NALF1: variants seen among roughly 807,000 people sequenced by gnomAD.
The protein encoded by NALF1 is NALCN channel auxiliary factor 1.
Under a neutral mutation model 48.4 loss-of-function variants are expected in NALF1, and 3 were observed. The ratio of observed to expected loss-of-function variants is 0.06; its 90% CI spans 0.03 to 0.16. NALF1 has a LOEUF of 0.16. Ranked by LOEUF, NALF1 falls within the 10% of genes least tolerant of loss-of-function variation. The pLI is 1.00. For missense variants in NALF1, 526 were observed against 571.5 expected, an observed-to-expected ratio of 0.92 and a Z score of 0.81; for synonymous variants, 262 against 245.7, an observed-to-expected ratio of 1.07 and a Z score of -0.62.
intron 1 of NALF1, among the ~76,000 whole-genome samples, chr13:107,619,342 A>G (rs1879464850): frequency 6.6e-6 from 1 of 152,204 alleles, no homozygotes; most frequent in African/African-American, 2.4e-5. Flanking sequence ...AGGATGGAAG[A>G]GCACTGACCT....
chr13:107,405,100 T>C (rs1287036435), intron 1 of NALF1, among the ~76,000 whole-genome samples: 2 of 152,084 alleles, frequency 1.3e-5, no homozygotes, highest in African/African-American at 4.8e-5. Flanking sequence ...ATTGATTCCA[T>C]TTGTTTATAT....
At chr13:107,537,482 A>G (rs1219195182) in intron 1 of NALF1, among the ~76,000 whole-genome samples, 1 of 152,144 alleles carries the variant, frequency 6.6e-6, no homozygotes, top group African/African-American at 2.4e-5. Flanking sequence ...TAACAAAGTA[A>G]TTTGTTTTTC....
At chr13:107,862,836 G>A (rs2138651518) in intron 1 of NALF1, among the ~76,000 whole-genome samples, 1 of 151,776 alleles carries the variant, frequency 6.6e-6, no homozygotes, top group African/African-American at 2.4e-5. Context: ...TAGCAGTTTT[G>A]AATGAGGGCA....
At position 107,166,450 on chromosome 13, in the gene NALF1, T is replaced by G. The variant is rs1878661264; in HGVS notation, c.*4047A>C. 1 of 152,084 alleles carries G rather than the reference T, an allele frequency of 6.6e-6. No individual in the cohort carries two copies. Among genetic ancestry groups the G allele is most frequent in the South Asian group, 2.1e-4 (1 of 4,820 alleles). The allele number at this position is 152,084 out of a possible 1,614,324, so 9.4% of individuals were successfully genotyped here. ...ACAAACAAACACACAGAAAAGAAAT[T>G]AAATACCTGACTGCAGTTCTAAATA... is the stretch of plus-strand genomic sequence containing the variant. On this transcript the variant is annotated 3_prime_UTR_variant, in exon 3 of 3. Transcript: ENST00000375915.
chr13:107,637,632 G>A (rs113535757), intron 1 of NALF1, among the ~76,000 whole-genome samples: 2 of 152,128 alleles, frequency 1.3e-5, no homozygotes, highest in African/African-American at 4.8e-5. Context: ...AGTGTGTCCA[G>A]TGCAGCCTGT....
chr13:107,472,783 C>A (rs980527549), intron 1 of NALF1, among the ~76,000 whole-genome samples: 1 of 152,122 alleles, frequency 6.6e-6, no homozygotes, highest in Non-Finnish European at 1.5e-5. Context: ...CTGGGACTGG[C>A]TTCCTGGCTC....
At chr13:107,333,090 C>T (rs1428444442) in intron 1 of NALF1, among the ~76,000 whole-genome samples, 2 of 152,134 alleles carry the variant, frequency 1.3e-5, no homozygotes, top group African/African-American at 4.8e-5. Flanking sequence ...AAGTGATCTG[C>T]CCGCCTCGGC....
At chr13:107,184,115 G>A (rs1879124173) in intron 2 of NALF1, among the ~76,000 whole-genome samples, 1 of 151,322 alleles carries the variant, frequency 6.6e-6, no homozygotes, top group South Asian at 2.1e-4. Context: ...AACCACCATG[G>A]CACGTATATA....
At chr13:107,848,958 A>G (rs1259621688) in intron 1 of NALF1, among the ~76,000 whole-genome samples, 1 of 152,192 alleles carries the variant, frequency 6.6e-6, no homozygotes, top group Non-Finnish European at 1.5e-5. Context: ...CCTCTCACAT[A>G]ATGGAGAATC....
chr13:107,851,826 T>TTTTTTTTTTTTTA (rs1880326706), intron 1 of NALF1, among the ~76,000 whole-genome samples: 1 of 146,828 alleles, frequency 6.8e-6, no homozygotes, highest in African/African-American at 2.5e-5. Flanking sequence ...TTTTTTTTTT[T>TTTTTTTTTTTTTA]GAGACAAATT....
chr13:107,542,907 T>G (rs1877035046), intron 1 of NALF1, among the ~76,000 whole-genome samples: 1 of 152,110 alleles, frequency 6.6e-6, no homozygotes, highest in African/African-American at 2.4e-5. Flanking sequence ...CAAAATAGTT[T>G]ATATTTCTTG....
chr13:107,805,266 G>A lies in NALF1; in HGVS notation c.915+60416C>T, dbSNP rs372440431. Among the ~76,000 whole-genome samples the A allele has an allele frequency of 9.5e-4, 145 of 152,120 alleles. 1 individual carries two copies. In the South Asian group the frequency reaches 0.011, roughly 12 times the overall value. ...CACTATTTTTTAAAGATTTCTCAGC[G>A]CTTACTCTTACAGATGATATGCAGT... is the stretch of plus-strand genomic sequence containing the variant. On this transcript the variant is annotated intron_variant, in intron 1 of 2. Coordinates refer to ENST00000375915, the MANE Select transcript of NALF1 (RefSeq NM_001080396.3).
intron 1 of NALF1, among the ~76,000 whole-genome samples, chr13:107,380,638 A>G (rs1421567260): frequency 1.3e-5 from 2 of 152,146 alleles, no homozygotes; most frequent in African/African-American, 2.4e-5. Context: ...TCTATTTTGA[A>G]GGAAAAGATA....
At chr13:107,790,995 G>A (rs1236785776) in intron 1 of NALF1, among the ~76,000 whole-genome samples, 4 of 152,038 alleles carry the variant, frequency 2.6e-5, no homozygotes, top group Non-Finnish European at 5.9e-5. Context: ...GAAGGAGATG[G>A]TGAAAACTAC....
At chr13:107,653,467 T>C (rs1343841874) in intron 1 of NALF1, among the ~76,000 whole-genome samples, 1 of 122,648 alleles carries the variant, frequency 8.2e-6, no homozygotes, top group Non-Finnish European at 1.7e-5. Context: ...GCCTCTGCTG[T>C]TCTTAGCAGA....
intron 1 of NALF1, among the ~76,000 whole-genome samples, chr13:107,586,937 C>T (rs1457672897): frequency 2.0e-5 from 3 of 151,884 alleles, no homozygotes; most frequent in African/African-American, 7.3e-5. Context: ...TGCTAGCAAA[C>T]TTATATAGAG....
chr13:107,385,318 C>T (rs939845454), intron 1 of NALF1, among the ~76,000 whole-genome samples: 6 of 152,004 alleles, frequency 3.9e-5, no homozygotes, highest in East Asian at 1.9e-4. Context: ...TTTGGGAGGC[C>T]GAGGAGGGTG....
At chr13:107,305,889 T>C (rs1252895004) in intron 1 of NALF1, among the ~76,000 whole-genome samples, 1 of 152,166 alleles carries the variant, frequency 6.6e-6, no homozygotes, top group Non-Finnish European at 1.5e-5. Flanking sequence ...AATGTGTAGG[T>C]TACACCAGAA....
At chr13:107,691,106 G>C (rs1476299681) in intron 1 of NALF1, among the ~76,000 whole-genome samples, 1 of 152,196 alleles carries the variant, frequency 6.6e-6, no homozygotes, top group Non-Finnish European at 1.5e-5. Flanking sequence ...ACTTATAAAA[G>C]GGGAAATCTG....
Sources: allele counts gnomAD v4.1 joint callset (sites outside exome capture counted in the v4.1 genomes callset), GRCh38; gene constraint gnomAD v4.1.1; transcripts MANE v1.5; gene names NCBI Gene and HGNC (gene_info 2026-07-23, HGNC 2026-07-21).